The following OTOF variants were observed in gnomAD, a reference collection of about 807,000 sequenced individuals.
OTOF encodes the protein otoferlin, also known as fer-1-like family member 2.
In OTOF, 218 loss-of-function variants were observed where a neutral mutation model predicts 236.8. That is an observed-to-expected ratio of 0.92 (90% CI 0.82 to 1.03). OTOF has a LOEUF of 1.03. Ranked by LOEUF, OTOF falls within the 50% of genes least tolerant of loss-of-function variation. OTOF has a pLI of 0.00. For synonymous variants in OTOF, 1,041 were observed against 1,072.5 expected, an observed-to-expected ratio of 0.97 and a Z score of 0.57; for missense variants, 2,590 against 2,694.4, an observed-to-expected ratio of 0.96 and a Z score of 0.86.
chr2:26,460,729 G>T lies in OTOF; in HGVS notation c.5731C>A (p.Leu1911Met), dbSNP rs760109694. 1 of 1,614,052 alleles carries T rather than the reference G, an allele frequency of 6.2e-7. No homozygotes were observed. The highest frequency in any genetic ancestry group is 8.5e-7 in the Non-Finnish European group (1 of 1,179,982). Reference sequence around the variant, plus strand: ...GCCTCCTCTGCTGTCAGTAAATGCAGCTCAGCCTCCACCTTGCCCTGCAGA... The same window carrying T: ...GCCTCCTCTGCTGTCAGTAAATGCATCTCAGCCTCCACCTTGCCCTGCAGA... ...FELTGKVEAELHLLTAEEAEK... is the reference protein window; with the variant it reads ...FELTGKVEAEMHLLTAEEAEK... Residue 1911 changes from leucine (L) to methionine (M), a missense_variant, in exon 45 of 47, where the codon CTG becomes ATG. By Grantham distance (15) the Leu-to-Met change is conservative. Coordinates refer to ENST00000272371, the MANE Select transcript of OTOF (RefSeq NM_194248.3). This position sits in a 1 kb window ranked among gnomAD's most constrained non-coding sequence, Gnocchi z 5.3.
At position 26,464,960 on chromosome 2, in the gene OTOF, G is replaced by A. The variant is rs61744000; in HGVS notation, c.4869C>T (p.Gly1623=). The part of the protein sequence containing the change: ...SQILTRLCKD[G]KVDGPHFGPP... ...GCCCAAAGTGGGGGCCGTCCACTTT[G>A]CCGTCTTTGCAGAGGCGGGTCAGGA... The change falls in exon 39 of 47, where the codon GGC becomes GGT. Residue 1623 remains glycine (G), a synonymous_variant. Coordinates refer to ENST00000272371, the MANE Select transcript of OTOF (RefSeq NM_194248.3). 1,209 of 1,563,330 alleles carry A rather than the reference G, an allele frequency of 7.7e-4. 6 individuals carry two copies. In the African/African-American group the frequency reaches 0.013, roughly 17 times the overall value.
intron 2 of OTOF, among the ~76,000 whole-genome samples, chr2:26,536,882 G>A (rs1435908126): frequency 1.3e-5 from 2 of 152,222 alleles, no homozygotes; most frequent in Non-Finnish European, 2.9e-5. Context: ...CAAACACATA[G>A]ACGAAAGAAT....
intron 13 of OTOF, 80 bp from the exon 14 acceptor site, chr2:26,482,672 T>C (rs1665573164): frequency 8.1e-7 from 1 of 1,234,796 alleles, no homozygotes; most frequent in Non-Finnish European, 1.2e-6. Context: ...AGTGGGCGCA[T>C]GTGTGCGTGA....
At position 26,482,720 on chromosome 2, in the gene OTOF, CGT is replaced by C. The variant is rs1212021299; in HGVS notation, c.1393-130_1393-129del. The stretch of plus-strand genomic sequence containing the variant: ...GTGCATGTGTGAGTGGGTGTGCATG[CGT>C]GTGTGAGTGGATGCATGTGTGCGTG... On this transcript the variant is annotated intron_variant, in intron 13 of 46. Transcript: ENST00000272371. The C allele has an allele frequency of 7.2e-6, 5 of 692,382 alleles. No homozygotes were observed. In the East Asian group the frequency reaches 1.4e-4, roughly 20 times the overall value. The allele number at this position is 692,382 out of a possible 1,614,324, so 42.9% of individuals were successfully genotyped here. A position where few individuals can be genotyped will look rare whatever the true frequency, so the allele number is the denominator to read the frequency against.
chr2:26,459,959 C>A (rs535802001), intron 46 of OTOF, 49 bp downstream of exon 46: 3 of 1,533,390 alleles, frequency 2.0e-6, no homozygotes, highest in South Asian at 1.2e-5. Context: ...TGTGTGTGCA[C>A]GCGCCTGCCT....
intron 35 of OTOF, 103 bp from the exon 36 acceptor site, chr2:26,466,954 C>T: frequency 1.3e-6 from 2 of 1,573,646 alleles, no homozygotes; most frequent in Non-Finnish European, 1.7e-6. Context: ...GTGGCAGGGC[C>T]TTCACCCTTT....
At chr2:26,518,943 G>A in intron 4 of OTOF, 67 bp downstream of exon 4, 2 of 1,108,078 alleles carry the variant, frequency 1.8e-6, no homozygotes, top group South Asian at 2.6e-5. Flanking sequence ...CATGTGTGAG[G>A]CAGGGAGAAC....
chr2:26,466,047 G>C lies in OTOF; in HGVS notation c.4530C>G (p.Asn1510Lys). 6.2e-7 allele frequency: 1 copy of C among 1,614,232 alleles called. No individual in the cohort carries two copies. Among genetic ancestry groups the C allele is most frequent in the Non-Finnish European group, 8.5e-7 (1 of 1,180,038 alleles). Residue 1510 changes from asparagine (N) to lysine (K), a missense_variant, in exon 37 of 47, where the codon AAC becomes AAG. Asn to Lys is a moderately conservative substitution (Grantham distance 94). This residue lies in a region of OTOF where 1,211 missense variants were observed against 1,352.8 expected (regional missense o/e 0.90). Transcript: ENST00000272371. Reference protein sequence around the residue: ...RATDLHPADINGKADPYIAIR... With the variant: ...RATDLHPADIKGKADPYIAIR... Reference sequence around the variant, plus strand: ...TGGCGATGTAGGGGTCAGCTTTGCCGTTGATGTCAGCAGGGTGCAGGTCCG... The same window carrying C: ...TGGCGATGTAGGGGTCAGCTTTGCCCTTGATGTCAGCAGGGTGCAGGTCCG...
intron 8 of OTOF, among the ~76,000 whole-genome samples, chr2:26,499,417 C>T (rs925650000): frequency 2.0e-5 from 3 of 152,164 alleles, no homozygotes; most frequent in Non-Finnish European, 4.4e-5. Context: ...AACGAGGTGT[C>T]CTTCCTGCGG....
Position 26,483,551 on chromosome 2 carries a change from T to C in OTOF, c.1303A>G (p.Ser435Gly), listed in dbSNP as rs749879257. Reference protein sequence around the residue: ...RAEGLPRMNTSLMANVKKAFI... With the variant: ...RAEGLPRMNTGLMANVKKAFI... ...GCCTTCTTTACATTGGCCATGAGGC[T>C]TGTGTTCATACGGGGCAGCCCCTCT... Residue 435 changes from serine (S) to glycine (G), a missense_variant, in exon 13 of 47, where the codon AGC becomes GGC. Coordinates refer to ENST00000272371, the MANE Select transcript of OTOF (RefSeq NM_194248.3). 7.4e-6 allele frequency: 12 copies of C among 1,614,016 alleles called. No homozygotes were observed. The highest frequency in any genetic ancestry group is 2.2e-5 in the East Asian group (1 of 44,890).
chr2:26,522,291 A>C (rs772112368), intron 3 of OTOF, among the ~76,000 whole-genome samples: 1 of 152,244 alleles, frequency 6.6e-6, no homozygotes, highest in Non-Finnish European at 1.5e-5. Context: ...GCAGTTTTAT[A>C]AACCTTGACT....
intron 9 of OTOF, among the ~76,000 whole-genome samples, chr2:26,491,179 C>T (rs1017107009): frequency 6.6e-6 from 1 of 151,962 alleles, no homozygotes; most frequent in Non-Finnish European, 1.5e-5. Context: ...CAGCAGGCAG[C>T]GGGATGAAAG....
chr2:26,546,208 C>T (rs574384463), intron 1 of OTOF, among the ~76,000 whole-genome samples: 7 of 152,272 alleles, frequency 4.6e-5, no homozygotes, highest in African/African-American at 1.7e-4. Flanking sequence ...TGCCTGTAAT[C>T]CCAGCACTTT....
At chr2:26,495,533 C>T (rs1412208356) in intron 8 of OTOF, among the ~76,000 whole-genome samples, 3 of 152,134 alleles carry the variant, frequency 2.0e-5, no homozygotes, top group Admixed American at 1.3e-4. Context: ...TCAAGTGATT[C>T]TTCTGCCTCA....
chr2:26,517,625 A>G (rs975103587), intron 4 of OTOF, among the ~76,000 whole-genome samples: 16 of 152,146 alleles, frequency 1.1e-4, no homozygotes, highest in African/African-American at 3.4e-4. Context: ...CTCTTGGTGG[A>G]ACCAAGTATG....
At chr2:26,466,300 G>C in intron 36 of OTOF, 2 of 604,170 alleles carry the variant, frequency 3.3e-6, no homozygotes, top group East Asian at 5.7e-5. Flanking sequence ...TCTCCCTGGT[G>C]CCTCCCAGTC....
chr2:26,480,701 A>T, intron 15 of OTOF, 85 bp downstream of exon 15: 1 of 1,158,158 alleles, frequency 8.6e-7, no homozygotes, highest in Non-Finnish European at 1.3e-6. Context: ...GGGCAGCAAC[A>T]GGCAAAGCCT....
At position 26,467,397 on chromosome 2, in the gene OTOF, C is replaced by T. The variant is rs777285104; in HGVS notation, c.4195G>A (p.Glu1399Lys). 1.4e-5 allele frequency: 22 copies of T among 1,613,764 alleles called. No homozygotes were observed. The East Asian group carries it at 1.8e-4, about 13-fold the overall frequency. The change falls in exon 34 of 47, where the codon GAG becomes AAG. Residue 1399 changes from glutamate to lysine, a missense_variant. Coordinates refer to ENST00000272371, the MANE Select transcript of OTOF (RefSeq NM_194248.3). ...SGSGQGSEAP[E>K]KKKPKIDELK... ...TCATCAATCTTGGGTTTCTTCTTCT[C>T]GGGGGCCTCGGACCCCTGGCCAGAG...
chr2:26,510,527 A>C, intron 5 of OTOF, among the ~76,000 whole-genome samples: 1 of 147,870 alleles, frequency 6.8e-6, no homozygotes, highest in Admixed American at 6.7e-5. Context: ...CTCATCCCTC[A>C]CCCCCGTGGC....
Sources: gnomAD v4.1 joint callset for allele counts (sites outside exome capture counted in the v4.1 genomes callset) on GRCh38, gnomAD v4.1.1 for gene constraint, gnomAD v4.1.1 regional missense constraint, Gnocchi (gnomAD v3.1) non-coding constraint, MANE v1.5 for transcripts, NCBI Gene and HGNC (gene_info 2026-07-23, HGNC 2026-07-21) for gene names.